The following CDHR3 variants were observed in gnomAD, a reference collection of about 807,000 sequenced individuals.
CDHR3 encodes the protein cadherin-related family member 3.
A neutral mutation model predicts 86.6 loss-of-function variants in CDHR3; 79 were observed. That is an observed-to-expected ratio of 0.91 (90% confidence interval 0.76 to 1.10). The LOEUF (loss-of-function observed/expected upper bound fraction) is 1.10. CDHR3 is among the 50% of genes least tolerant of loss of function. CDHR3 has a pLI of 0.00. For synonymous variants in CDHR3, 421 were observed against 402.4 expected (o/e 1.05, Z -0.55); for missense variants, 1,081 against 1,077.6 (o/e 1.00, Z -0.04).
intron 13 of CDHR3, 75 bp downstream of exon 13, chr7:106,020,619 TCA>T: frequency 6.7e-7 from 1 of 1,502,016 alleles, no homozygotes. Flanking sequence ...GGGTCTGTGC[TCA>T]CACACTGATC....
At chr7:106,000,756 A>G (rs116462683) in intron 6 of CDHR3, among the ~76,000 whole-genome samples, 2,259 of 152,208 alleles carry the variant, frequency 0.015, 59 homozygotes, top group African/African-American at 0.05. Flanking sequence ...TAAGTTGGTG[A>G]TTTGGGGTTA....
intron 1 of CDHR3, among the ~76,000 whole-genome samples, chr7:105,972,440 G>A (rs1828132523): frequency 6.6e-6 from 1 of 152,138 alleles, no homozygotes; most frequent in South Asian, 2.1e-4. Context: ...GAAGAATATG[G>A]GTGAGAATGT....
chr7:106,016,672 AAAC>A (rs751571725), intron 11 of CDHR3, among the ~76,000 whole-genome samples: 73 of 152,224 alleles, frequency 4.8e-4, no homozygotes, highest in Non-Finnish European at 5.9e-5. Flanking sequence ...TCCATATTAA[AAAC>A]AACAACAACA....
intron 1 of CDHR3, among the ~76,000 whole-genome samples, chr7:105,973,856 G>A (rs974546966): frequency 6.6e-6 from 1 of 152,038 alleles, no homozygotes; most frequent in South Asian, 2.1e-4. Flanking sequence ...AATCACAGCT[G>A]CTTGGGAGGC....
chr7:106,032,458 CA>C lies in CDHR3; in HGVS notation c.2422del (p.Met808CysfsTer26). The C allele has an allele frequency of 6.2e-7, 1 of 1,613,794 alleles. No homozygotes were observed. The highest frequency in any genetic ancestry group is 8.5e-7 in the Non-Finnish European group (1 of 1,179,806). On this transcript the variant is annotated frameshift_variant, in exon 19 of 19. Coordinates refer to ENST00000317716, the MANE Select transcript of CDHR3 (RefSeq NM_152750.5). LOFTEE classifies it low-confidence loss of function (END_TRUNC). ...CAGAAAGTGGAAAGATCCACTAACC[CA>C]AATGCCAAAATGGAAAGAGTCCAGC... Reference protein sequence around the residue: ...GARKWKDPLTQMPKWKESSHQ... With the variant: ...GARKWKDPLTXMPKWKESSHQ...
At chr7:106,011,048 G>A (rs559222295) in intron 8 of CDHR3, among the ~76,000 whole-genome samples, 15 of 152,196 alleles carry the variant, frequency 9.9e-5, no homozygotes, top group Non-Finnish European at 2.2e-4. Context: ...AGCTGAGGCC[G>A]ATGGTCAGTT....
In CDHR3 at chr7:105,977,541, A is replaced by G. The variant is rs551959739; in HGVS notation, c.249+2495A>G. ...CAGCTGCGTACAACCCTGTGTTGGT[A>G]CTAAGATGGGCCACAGTTTCACAAG... On this transcript the variant is annotated intron_variant, in intron 2 of 18. Transcript: ENST00000317716. 5.9e-5 allele frequency among the ~76,000 whole-genome samples: 9 copies of G among 152,298 alleles called. No homozygotes were observed. The South Asian group carries it at 1.9e-3, about 32-fold the overall frequency.
chr7:105,980,622 A>AATTTTTTTTTTTTTTT (rs1829568352), intron 2 of CDHR3, among the ~76,000 whole-genome samples: 1 of 28,126 alleles, frequency 3.6e-5, no homozygotes, highest in African/African-American at 1.2e-4. Context: ...TTTTTTTTTT[A>AATTTTTTTTTTTTTTT]ATTTTTTTTT....
chr7:106,026,833 A>G, intron 16 of CDHR3, 138 bp downstream of exon 16: 1 of 900,186 alleles, frequency 1.1e-6, no homozygotes, highest in East Asian at 2.6e-5. Context: ...TGTGGCTGGA[A>G]GGAAGCGGAG....
At chr7:106,011,400 T>A (rs961343075) in intron 8 of CDHR3, among the ~76,000 whole-genome samples, 1 of 151,972 alleles carries the variant, frequency 6.6e-6, no homozygotes. Flanking sequence ...ACCAGAGACC[T>A]CCATGCAATG....
intron 8 of CDHR3, among the ~76,000 whole-genome samples, chr7:106,005,886 A>G (rs150887151): frequency 3.5e-4 from 53 of 152,268 alleles, no homozygotes; most frequent in African/African-American, 1.3e-3. Context: ...TCCAGTCTCC[A>G]CCCTGCTCTG....
At chr7:105,998,735 G>A (rs567994558) in intron 6 of CDHR3, among the ~76,000 whole-genome samples, 1 of 151,726 alleles carries the variant, frequency 6.6e-6, no homozygotes, top group East Asian at 1.9e-4. Context: ...AGTGAGCTGA[G>A]ATCATGCCAT....
intron 4 of CDHR3, among the ~76,000 whole-genome samples, chr7:105,992,269 A>G (rs978631703): frequency 1.3e-5 from 2 of 152,200 alleles, no homozygotes; most frequent in Non-Finnish European, 2.9e-5. Flanking sequence ...ATTCAGGTAC[A>G]TACAGTAAAT....
At chr7:106,024,209 G>A (rs1837012352) in intron 14 of CDHR3, among the ~76,000 whole-genome samples, 172 bp from the exon 15 acceptor site, 1 of 152,176 alleles carries the variant, frequency 6.6e-6, no homozygotes, top group Non-Finnish European at 1.5e-5. Context: ...TGTCTGCAAA[G>A]ACTATAAATA....
intron 7 of CDHR3, among the ~76,000 whole-genome samples, 167 bp from the exon 8 acceptor site, chr7:106,004,331 T>C (rs1173621729): frequency 1.3e-5 from 2 of 152,266 alleles, no homozygotes; most frequent in African/African-American, 4.8e-5. Flanking sequence ...CCCCAATGAA[T>C]GTCTAACACA....
chr7:106,012,978 G>T lies in CDHR3; in HGVS notation c.1171G>T (p.Val391Leu). ...ATTCAACTTCACCATGCCATCTGGA[G>T]TGGGGAGCGGCAGCAGATTTTTACA... Reference protein sequence around the residue: ...NRFNFTMPSGVGSGSRFLQDP... With the variant: ...NRFNFTMPSGLGSGSRFLQDP... The change falls in exon 9 of 19, where the codon GTG becomes TTG. Residue 391 changes from valine to leucine, a missense_variant. By Grantham distance (32) the Val-to-Leu change is conservative. Transcript: ENST00000317716. The T allele has an allele frequency of 1.2e-6, 2 of 1,613,390 alleles. No individual in the cohort carries two copies. Among genetic ancestry groups the T allele is most frequent in the South Asian group, 1.1e-5 (1 of 90,942 alleles).
chr7:106,022,582 C>G (rs1836740848), intron 14 of CDHR3, 134 bp downstream of exon 14: 5 of 1,323,942 alleles, frequency 3.8e-6, no homozygotes, highest in African/African-American at 1.5e-5. Flanking sequence ...AAAATGGCAA[C>G]CATGGGCTGG....
In CDHR3 at chr7:106,020,408, G is replaced by C; in HGVS notation, c.1689G>C (p.Lys563Asn). 6.2e-7 allele frequency: 1 copy of C among 1,613,680 alleles called. No homozygotes were observed. The highest frequency in any genetic ancestry group is 8.5e-7 in the Non-Finnish European group (1 of 1,179,758). ...TVNILEENDE[K>N]PICTPNSYFL... ...ACATCCTTGAAGAAAATGATGAAAA[G>C]CCAATTTGTACTCCAAACTCTTATT... The change falls in exon 13 of 19, where the codon AAG becomes AAC. Residue 563 changes from lysine (K) to asparagine (N), a missense_variant. Lys to Asn is a moderately conservative substitution (Grantham distance 94, BLOSUM62 0). Coordinates refer to ENST00000317716, the MANE Select transcript of CDHR3 (RefSeq NM_152750.5).
At chr7:105,985,624 A>G (rs99021) in intron 4 of CDHR3, among the ~76,000 whole-genome samples, 85,296 of 151,850 alleles carry the variant, frequency 0.56, 24,071 homozygotes, top group South Asian at 0.75. Flanking sequence ...AAAGTAAGGG[A>G]ATAGTCTGTT....
Sources: allele counts gnomAD v4.1 joint callset (sites outside exome capture counted in the v4.1 genomes callset), GRCh38; gene constraint gnomAD v4.1.1; transcripts MANE v1.5; gene names NCBI Gene and HGNC (gene_info 2026-07-23, HGNC 2026-07-21).